The following PCDHGB5 variants were observed in gnomAD, a reference collection of about 807,000 sequenced individuals.
The protein encoded by PCDHGB5 is protocadherin gamma-B5.
In PCDHGB5, 48 loss-of-function variants were observed where a neutral mutation model predicts 62.9. The ratio of observed to expected loss-of-function variants is 0.76; its 90% CI spans 0.61 to 0.97. The LOEUF is 0.97. Among genes scored for constraint, PCDHGB5 ranks in the 50% least tolerant of loss-of-function variants. The pLI, the probability that PCDHGB5 is intolerant of heterozygous loss-of-function variation, is 0.00. For missense variants in PCDHGB5, 1,118 were observed against 1,198.6 expected, an observed-to-expected ratio of 0.93 and a Z score of 0.99; for synonymous variants, 474 against 511.2, an observed-to-expected ratio of 0.93 and a Z score of 0.98.
chr5:141,409,369 C>T, intron 1 of PCDHGB5: 1 of 1,613,986 alleles, frequency 6.2e-7, no homozygotes, highest in Non-Finnish European at 8.5e-7. Flanking sequence ...TAGAAACAGA[C>T]ATTCCATTCA....
intron 1 of PCDHGB5, chr5:141,409,528 C>T (rs1488294674): frequency 3.1e-6 from 5 of 1,613,882 alleles, no homozygotes; most frequent in Non-Finnish European, 4.2e-6. Context: ...CCTTGTATGT[C>T]GCTGACATCA....
Position 141,403,252 on chromosome 5 carries a change from G to A in PCDHGB5, c.2397+2728G>A, listed in dbSNP as rs180687908. 8.6e-4 allele frequency: 1,389 copies of A among 1,613,900 alleles called. 2 individuals carry two copies. Among genetic ancestry groups the A allele is most frequent in the Non-Finnish European group, 1.1e-3 (1,338 of 1,179,904 alleles). On this transcript the variant is annotated intron_variant, in intron 1 of 3. Transcript: ENST00000617380. Reference sequence around the variant, plus strand: ...GGGAGGAGCTCTGTGCTCAGAGCCCGCGGTGTCTGGTGAACTTTAAAGTCC... The same window carrying A: ...GGGAGGAGCTCTGTGCTCAGAGCCCACGGTGTCTGGTGAACTTTAAAGTCC...
chr5:141,452,654 T>C (rs2098746449), intron 1 of PCDHGB5, among the ~76,000 whole-genome samples: 1 of 151,162 alleles, frequency 6.6e-6, no homozygotes, highest in Non-Finnish European at 1.5e-5. Context: ...ATTTGCTCCA[T>C]CCACTGCACT....
rs755602367 is a variant in PCDHGB5, at chr5:141,415,231, G to A, written c.2397+14707G>A. ...GGACCTCGGCAGCTTCGAGTCTCCA[G>A]CTAACTCTGAAACCTCAGACCTCAC... On this transcript the variant is annotated intron_variant, in intron 1 of 3. Transcript: ENST00000617380. 2.1e-5 allele frequency: 34 copies of A among 1,614,042 alleles called. No homozygotes were observed. The South Asian group carries it at 3.2e-4, about 15-fold the overall frequency.
intron 3 of PCDHGB5, among the ~76,000 whole-genome samples, chr5:141,505,698 G>A (rs1041309644): frequency 2.0e-5 from 3 of 152,280 alleles, no homozygotes; most frequent in Admixed American, 6.5e-5. Context: ...GGAGGAGAGC[G>A]AACAAGGAAA....
intron 1 of PCDHGB5, among the ~76,000 whole-genome samples, chr5:141,450,776 C>T (rs757791026): frequency 4.0e-5 from 6 of 151,440 alleles, no homozygotes; most frequent in Non-Finnish European, 8.8e-5. Context: ...CATGAGCCAC[C>T]GTGCCCGGAC....
At chr5:141,419,422 C>T (rs374564347) in intron 1 of PCDHGB5, 9 of 1,613,378 alleles carry the variant, frequency 5.6e-6, no homozygotes, top group Non-Finnish European at 7.6e-6. Flanking sequence ...GCGCCTTCGA[C>T]CACGAGCAGC....
In PCDHGB5 at chr5:141,419,984, C is replaced by A. The variant is rs918632592; in HGVS notation, c.2397+19460C>A. ...TGTGCTCTTTCTCCTCGCGGTGATT[C>A]TAGCTATTGCTCTACGCCTGCGACA... On this transcript the variant is annotated intron_variant, in intron 1 of 3. Transcript: ENST00000617380. 27 of 1,613,962 alleles carry A rather than the reference C, an allele frequency of 1.7e-5. No individual in the cohort carries two copies. The highest frequency in any genetic ancestry group is 2.2e-5 in the Non-Finnish European group (26 of 1,179,912).
At chr5:141,402,737 G>C (rs948478466) in intron 1 of PCDHGB5, among the ~76,000 whole-genome samples, 7 of 152,158 alleles carry the variant, frequency 4.6e-5, no homozygotes, top group African/African-American at 1.4e-4. Flanking sequence ...CGCCGCTGTT[G>C]ATCAACTCTA....
chr5:141,409,474 C>T, intron 1 of PCDHGB5: 1 of 1,614,002 alleles, frequency 6.2e-7, no homozygotes, highest in Non-Finnish European at 8.5e-7. Flanking sequence ...CCATCGTAGC[C>T]ACTGACAGGG....
At chr5:141,494,075 C>T (rs1482844644) in intron 1 of PCDHGB5, among the ~76,000 whole-genome samples, 7 of 152,322 alleles carry the variant, frequency 4.6e-5, no homozygotes, top group East Asian at 1.9e-4. Context: ...GATCCCTCCC[C>T]GCTGCATCCC....
Position 141,486,446 on chromosome 5 carries a change from G to T in PCDHGB5, c.2398-8361G>T. ...GGCCAAATCTAGCTATGACATCATGGTCACTGCTTCTGATGCTGGGAACCC... is the reference window on the plus strand; with the variant it reads ...GGCCAAATCTAGCTATGACATCATGTTCACTGCTTCTGATGCTGGGAACCC... On this transcript the variant is annotated intron_variant, in intron 1 of 3. Coordinates refer to ENST00000617380, the MANE Select transcript of PCDHGB5 (RefSeq NM_018925.3). The surrounding 1 kb of genome is among the most constrained non-coding windows in gnomAD (Gnocchi z 5.0). 2 of 1,614,126 alleles carry T rather than the reference G, an allele frequency of 1.2e-6. No individual in the cohort carries two copies. Among genetic ancestry groups the T allele is most frequent in the Non-Finnish European group, 1.7e-6 (2 of 1,180,004 alleles).
intron 1 of PCDHGB5, chr5:141,415,033 C>G (rs1207811183): frequency 1.2e-6 from 2 of 1,613,456 alleles, no homozygotes; most frequent in South Asian, 1.1e-5. Flanking sequence ...CGAGCCGGGA[C>G]TCTTCGCGGT....
intron 2 of PCDHGB5, among the ~76,000 whole-genome samples, chr5:141,504,355 C>T (rs974022699): frequency 6.6e-6 from 1 of 152,078 alleles, no homozygotes; most frequent in Non-Finnish European, 1.5e-5. Flanking sequence ...GTGCTAGGTG[C>T]TTCAGTAGGA....
intron 2 of PCDHGB5, among the ~76,000 whole-genome samples, chr5:141,497,522 G>A (rs998999424): frequency 3.3e-5 from 5 of 150,848 alleles, no homozygotes; most frequent in African/African-American, 4.9e-5. Flanking sequence ...TAGTTAACTT[G>A]TGGAGGATGC....
In PCDHGB5 at chr5:141,485,615, C is replaced by G; in HGVS notation, c.2398-9192C>G. ...CTTGGAAATTGGGGAGGCAGCTCCTCCAGGACAGCGTTTCCCGTTGGAAAA... is the reference window on the plus strand; with the variant it reads ...CTTGGAAATTGGGGAGGCAGCTCCTGCAGGACAGCGTTTCCCGTTGGAAAA... On this transcript the variant is annotated intron_variant, in intron 1 of 3. Coordinates refer to ENST00000617380, the MANE Select transcript of PCDHGB5 (RefSeq NM_018925.3). This position sits in a 1 kb window ranked among gnomAD's most constrained non-coding sequence, Gnocchi z 5.7. 6.2e-7 allele frequency: 1 copy of G among 1,612,250 alleles called. No individual in the cohort carries two copies. The highest frequency in any genetic ancestry group is 1.3e-5 in the African/African-American group (1 of 74,992).
intron 1 of PCDHGB5, chr5:141,409,468 C>A: frequency 2.5e-6 from 4 of 1,613,948 alleles, no homozygotes; most frequent in Non-Finnish European, 3.4e-6. Context: ...ATGTCACCAT[C>A]GTAGCCACTG....
At chr5:141,456,873 G>A (rs2098894054) in intron 1 of PCDHGB5, among the ~76,000 whole-genome samples, 1 of 152,152 alleles carries the variant, frequency 6.6e-6, no homozygotes, top group Non-Finnish European at 1.5e-5. Context: ...TGAGGCAGGA[G>A]AATCGCTTGA....
At chr5:141,409,752 A>T in intron 1 of PCDHGB5, 3 of 1,613,020 alleles carry the variant, frequency 1.9e-6, no homozygotes, top group Non-Finnish European at 2.5e-6. Context: ...GTGTTCGCGC[A>T]GCGCGCCTTT....
Sources: allele counts gnomAD v4.1 joint callset (sites outside exome capture counted in the v4.1 genomes callset), GRCh38; gene constraint gnomAD v4.1.1; non-coding constraint Gnocchi (gnomAD v3.1); transcripts MANE v1.5; gene names NCBI Gene and HGNC (gene_info 2026-07-23, HGNC 2026-07-21).